LTBP3: variants seen among roughly 807,000 people sequenced by gnomAD.
LTBP3 encodes latent transforming growth factor beta binding protein 3.
Under a neutral mutation model 159.7 loss-of-function variants are expected in LTBP3, and 97 were observed. The observed-to-expected ratio is 0.61, with a 90% CI of 0.52 to 0.72. The LOEUF (loss-of-function observed/expected upper bound fraction) is 0.72. Ranked by LOEUF, LTBP3 falls within the 30% of genes least tolerant of loss-of-function variation. LTBP3 has a pLI of 0.00. For synonymous variants in LTBP3, 824 were observed against 777.1 expected (o/e 1.06, Z -1.00); for missense variants, 1,584 against 1,864.3 (o/e 0.85, Z 2.77).
rs756499567 is a variant in LTBP3 at position 65,553,850 on chromosome 11, A to T, written c.715T>A (p.Ser239Thr). 4 of 1,556,990 alleles carry T rather than the reference A, an allele frequency of 2.6e-6. No individual in the cohort carries two copies. In the South Asian group the frequency reaches 4.6e-5, roughly 18 times the overall value. Reference protein sequence around the residue: ...NVRVHHPPEASVQVHRIESSN... With the variant: ...NVRVHHPPEATVQVHRIESSN... ...CTCTCAATGCGGTGCACCTGGACTG[A>T]GGCCTCGGGCGGGTGATGGACGCGC... Residue 239 changes from serine to threonine, a missense_variant, in exon 3 of 28, where the codon TCA (serine) becomes ACA (threonine). This residue lies in a region of LTBP3 where 194 missense variants were observed against 198.7 expected (regional missense o/e 0.98). Coordinates refer to ENST00000301873, the MANE Select transcript of LTBP3 (RefSeq NM_001130144.3). The surrounding 1 kb of genome is among the most constrained non-coding windows in gnomAD (Gnocchi z 6.5).
chr11:65,547,760 G>A lies in LTBP3; in HGVS notation c.1908C>T (p.Gly636=), dbSNP rs767494218. The change falls in exon 13 of 28, where the codon GGC becomes GGT. Residue 636 remains glycine, a synonymous_variant. Transcript: ENST00000301873. The surrounding 1 kb of genome is among the most constrained non-coding windows in gnomAD (Gnocchi z 4.6). The stretch of plus-strand genomic sequence containing the variant: ...GGTTGCAGTGGCAATTGTAGGAGCC[G>A]CCGGTGTTCATGCAGATGCCCCTCC... ...GPGRGICMNT[G]GSYNCHCNRG... is the part of the protein sequence containing the mutation. The A allele has an allele frequency of 6.2e-6, 10 of 1,610,934 alleles. No individual in the cohort carries two copies. Among genetic ancestry groups the A allele is most frequent in the Non-Finnish European group, 5.9e-6 (7 of 1,179,020 alleles).
At chr11:65,556,827 G>A (rs1175310591) in intron 1 of LTBP3, among the ~76,000 whole-genome samples, 1 of 152,168 alleles carries the variant, frequency 6.6e-6, no homozygotes, top group Non-Finnish European at 1.5e-5. Context: ...GTCCAGGAGG[G>A]TAATTACTGC....
In LTBP3 at chr11:65,547,878, C is replaced by T. The variant is rs543502325; in HGVS notation, c.1846+42G>A. On this transcript the variant is annotated intron_variant, in intron 12 of 27. Transcript: ENST00000301873. This position sits in a 1 kb window ranked among gnomAD's most constrained non-coding sequence, Gnocchi z 4.6. ...AAGGAAGCGTCGTTATCTGGGGTCCCCCCCCACCCACCTGCATGCCCGCCG... is the reference window on the plus strand; with the variant it reads ...AAGGAAGCGTCGTTATCTGGGGTCCTCCCCCACCCACCTGCATGCCCGCCG... The T allele has an allele frequency of 4.3e-6, 7 of 1,613,254 alleles. No individual in the cohort carries two copies. In the East Asian group the frequency reaches 1.3e-4, roughly 31 times the overall value.
chr11:65,540,658 G>C, intron 21 of LTBP3, 44 bp from the exon 22 acceptor site: 1 of 1,559,594 alleles, frequency 6.4e-7, no homozygotes, highest in South Asian at 1.2e-5. Context: ...CGCAGCTGCA[G>C]CCCGGAGGCG....
Position 65,547,744 on chromosome 11 carries a change from G to A in LTBP3, c.1924C>T (p.His642Tyr), listed in dbSNP as rs868867736. The change falls in exon 13 of 28, where the codon CAC (histidine) becomes TAC (tyrosine). Residue 642 changes from histidine (H) to tyrosine (Y), a missense_variant. By Grantham distance (83) the His-to-Tyr change is moderately conservative. Transcript: ENST00000301873. This position sits in a 1 kb window ranked among gnomAD's most constrained non-coding sequence, Gnocchi z 4.6. ...TGCAGGCGGTAGCCGCGGTTGCAGT[G>A]GCAATTGTAGGAGCCGCCGGTGTTC... ...CMNTGGSYNC[H>Y]CNRGYRLHVG... The A allele has an allele frequency of 6.2e-7, 1 of 1,608,802 alleles. No homozygotes were observed. Among genetic ancestry groups the A allele is most frequent in the Non-Finnish European group, 8.5e-7 (1 of 1,178,356 alleles).
At chr11:65,550,184 C>T (rs768332966) in intron 11 of LTBP3, among the ~76,000 whole-genome samples, 2 of 152,076 alleles carry the variant, frequency 1.3e-5, no homozygotes, top group African/African-American at 2.4e-5. Context: ...CCAAGTCGGG[C>T]GGATCACAAG....
At position 65,558,298 on chromosome 11, in the gene LTBP3, C is replaced by G. The variant is rs1184891192; in HGVS notation, c.-339G>C. 1 of 772,844 alleles carries G rather than the reference C, an allele frequency of 1.3e-6. No individual in the cohort carries two copies. Among genetic ancestry groups the G allele is most frequent in the East Asian group, 6.4e-5 (1 of 15,612 alleles). The allele number at this position is 772,844 out of a possible 1,614,324, so 47.9% of individuals were successfully genotyped here. A position where few individuals can be genotyped will look rare whatever the true frequency, so the allele number is the denominator to read the frequency against. Reference sequence around the variant, plus strand: ...GGCCCGCTCCGCGCCTCCCCCTGGCCGGGCTCCTCTCCCGCGGCCGCGGGG... The same window carrying G: ...GGCCCGCTCCGCGCCTCCCCCTGGCGGGGCTCCTCTCCCGCGGCCGCGGGG... On this transcript the variant is annotated 5_prime_UTR_variant, in exon 1 of 28. Coordinates refer to ENST00000301873, the MANE Select transcript of LTBP3 (RefSeq NM_001130144.3).
At position 65,546,673 on chromosome 11, in the gene LTBP3, C is replaced by G; in HGVS notation, c.2231-109G>C. 6.4e-7 allele frequency: 1 copy of G among 1,553,172 alleles called. No individual in the cohort carries two copies. The highest frequency in any genetic ancestry group is 8.7e-7 in the Non-Finnish European group (1 of 1,154,308). The stretch of plus-strand genomic sequence containing the variant: ...GAACGCGGGGTTGAGAGGGCAGCCT[C>G]TACTCCCGGAAGGCCCCGCCCCCAG... On this transcript the variant is annotated intron_variant, in intron 15 of 27. Transcript: ENST00000301873. The surrounding 1 kb of genome is among the most constrained non-coding windows in gnomAD (Gnocchi z 4.0).
At position 65,540,554 on chromosome 11, in the gene LTBP3, G is replaced by A; in HGVS notation, c.3038C>T (p.Thr1013Met). 1 of 1,613,906 alleles carries A rather than the reference G, an allele frequency of 6.2e-7. No homozygotes were observed. Among genetic ancestry groups the A allele is most frequent in the African/African-American group, 1.3e-5 (1 of 75,062 alleles). Residue 1013 changes from threonine to methionine, a missense_variant, in exon 22 of 28, where the codon ACG becomes ATG. Transcript: ENST00000301873. The part of the protein sequence containing the change: ...EICKEGKCVN[T>M]QPGYECYCKQ... ...GCAGTAGCACTCGTAGCCAGGCTGCGTGTTCACGCACTTGCCCTCCTTGCA... is the reference window on the plus strand; with the variant it reads ...GCAGTAGCACTCGTAGCCAGGCTGCATGTTCACGCACTTGCCCTCCTTGCA...
Position 65,557,759 on chromosome 11 carries a change from C to T in LTBP3, c.201G>A (p.Ala67=), listed in dbSNP as rs1461040751. The change falls in exon 1 of 28, where the codon GCG becomes GCA. Residue 67 remains alanine (A), a synonymous_variant. Coordinates refer to ENST00000301873, the MANE Select transcript of LTBP3 (RefSeq NM_001130144.3). ...GACAGGTCCGCTTGCAGATCACCGG[C>T]GCAAAGACCACCTTGAAGCGCTCGC... ...LARERFKVVF[A]PVICKRTCLK... The T allele has an allele frequency of 1.2e-6, 2 of 1,603,732 alleles. No individual in the cohort carries two copies. The highest frequency in any genetic ancestry group is 1.3e-5 in the African/African-American group (1 of 74,890).
rs768124665 is a variant in LTBP3 at position 65,540,623 on chromosome 11, T to C, written c.2978-9A>G. 27 of 1,587,074 alleles carry C rather than the reference T, an allele frequency of 1.7e-5. No individual in the cohort carries two copies. The highest frequency in any genetic ancestry group is 2.2e-5 in the Non-Finnish European group (26 of 1,165,084). On this transcript the variant is annotated splice_polypyrimidine_tract_variant and intron_variant, in intron 21 of 27. Transcript: ENST00000301873. ...CATGCACTCGTCGATGTCTGCGGGG[T>C]GACAAACACTGGCCGCTCCGGTCCC...
At chr11:65,540,785 G>C (rs2135123964) in intron 21 of LTBP3, 86 bp downstream of exon 21, 1 of 1,482,576 alleles carries the variant, frequency 6.7e-7, no homozygotes, top group Non-Finnish European at 9.2e-7. Context: ...GGCGCGGGCA[G>C]CTGACCCAGC....
chr11:65,542,996 G>A, intron 18 of LTBP3, 109 bp downstream of exon 18: 1 of 1,400,526 alleles, frequency 7.1e-7, no homozygotes, highest in Non-Finnish European at 1.0e-6. Context: ...ATGGATGGAT[G>A]AAGGATGGTT....
Position 65,546,599 on chromosome 11 carries a change from C to T in LTBP3, c.2231-35G>A, listed in dbSNP as rs750026718. On this transcript the variant is annotated intron_variant, in intron 15 of 27. Transcript: ENST00000301873. This position sits in a 1 kb window ranked among gnomAD's most constrained non-coding sequence, Gnocchi z 4.0. ...AAAGACCTAGCCTCGGACTCTGCCC[C>T]ACCGGAAGGCGGACCGCGCACCTCG... 6.3e-7 allele frequency: 1 copy of T among 1,598,848 alleles called. No individual in the cohort carries two copies. The highest frequency in any genetic ancestry group is 8.5e-7 in the Non-Finnish European group (1 of 1,179,176).
In LTBP3 at chr11:65,546,175, C is replaced by T. The variant is rs1449456240; in HGVS notation, c.2353+267G>A. On this transcript the variant is annotated intron_variant, in intron 16 of 27. Transcript: ENST00000301873. This position sits in a 1 kb window ranked among gnomAD's most constrained non-coding sequence, Gnocchi z 4.0. ...GGAGTGCAGGGGGGAGTACTATCGT[C>T]TGCCCTCATTCTTTGATATCTTTTT... 1.9e-6 allele frequency: 1 copy of T among 519,992 alleles called. No homozygotes were observed. The highest frequency in any genetic ancestry group is 2.0e-5 in the African/African-American group (1 of 49,226). 32.2% of individuals were successfully genotyped at this position (519,992 alleles called of 1,614,324 possible).
In LTBP3 at chr11:65,538,640, C is replaced by T. The variant is rs1276758590; in HGVS notation, c.*440G>A. On this transcript the variant is annotated 3_prime_UTR_variant, in exon 28 of 28. Transcript: ENST00000301873. Reference sequence around the variant, plus strand: ...TATTTATTGTACAAACCATGTGAGCCCGGCCGGCCCAGCCAGGCCATCTCA... The same window carrying T: ...TATTTATTGTACAAACCATGTGAGCTCGGCCGGCCCAGCCAGGCCATCTCA... 7.0e-5 allele frequency: 105 copies of T among 1,505,246 alleles called. No individual in the cohort carries two copies. Among genetic ancestry groups the T allele is most frequent in the Non-Finnish European group, 9.1e-5 (102 of 1,121,104 alleles). 93.2% of individuals were successfully genotyped at this position (1,505,246 alleles called of 1,614,324 possible). A position where few individuals can be genotyped will look rare whatever the true frequency, so the allele number is the denominator to read the frequency against.
Position 65,540,112 on chromosome 11 carries a change from G to T in LTBP3, c.3286C>A (p.Arg1096Ser). 1 of 1,526,518 alleles carries T rather than the reference G, an allele frequency of 6.6e-7. No homozygotes were observed. 94.6% of individuals were successfully genotyped at this position (1,526,518 alleles called of 1,614,324 possible). The change falls in exon 24 of 28, where the codon CGC becomes AGC. Residue 1096 changes from arginine (R) to serine (S), a missense_variant. This residue lies in a region of LTBP3 where 514 missense variants were observed against 530.3 expected (regional missense o/e 0.97). Transcript: ENST00000301873. ...CQDPAACRPG[R>S]CVNLPGSYRC... Reference sequence around the variant, plus strand: ...TAGGAGCCCGGCAGGTTGACGCAGCGGCCAGGGCGGCAGGCTGCCGGGTCC... The same window carrying T: ...TAGGAGCCCGGCAGGTTGACGCAGCTGCCAGGGCGGCAGGCTGCCGGGTCC...
At chr11:65,541,044 C>A in intron 20 of LTBP3, 82 bp downstream of exon 20, 1 of 1,584,710 alleles carries the variant, frequency 6.3e-7, no homozygotes, top group South Asian at 1.1e-5. Flanking sequence ...TATTTCCCAA[C>A]TGCCAGGGGG....
chr11:65,540,341 C>A lies in LTBP3; in HGVS notation c.3148G>T (p.Val1050Leu). 6.3e-7 allele frequency: 1 copy of A among 1,585,846 alleles called. No individual in the cohort carries two copies. The highest frequency in any genetic ancestry group is 8.6e-7 in the Non-Finnish European group (1 of 1,167,408). Residue 1050 changes from valine to leucine, a missense_variant, in exon 23 of 28, where the codon GTG becomes TTG. Val to Leu is a conservative substitution (Grantham distance 32). This residue lies in a region of LTBP3 where 514 missense variants were observed against 530.3 expected (regional missense o/e 0.97). Coordinates refer to ENST00000301873, the MANE Select transcript of LTBP3 (RefSeq NM_001130144.3). ...TAGCCGCCGCGCGTGTTCTCACACA[C>A]TCCGTTCCGGCAGTTGGACTCGTCC... ...CLDESNCRNG[V>L]CENTRGGYRC...
Sources: allele counts gnomAD v4.1 joint callset (sites outside exome capture counted in the v4.1 genomes callset), GRCh38; gene constraint gnomAD v4.1.1; regional missense constraint gnomAD v4.1.1; non-coding constraint Gnocchi (gnomAD v3.1); transcripts MANE v1.5; gene names NCBI Gene and HGNC (gene_info 2026-07-23, HGNC 2026-07-21).